Variants in C17orf75 observed in about 807,000 individuals in gnomAD.
C17orf75 encodes the protein chromosome 17 open reading frame 75.
A neutral mutation model predicts 49.6 loss-of-function variants in C17orf75; 32 were observed. The observed-to-expected ratio is 0.65, with a 90% confidence interval of 0.49 to 0.87. The LOEUF (loss-of-function observed/expected upper bound fraction) is 0.87, where lower values mean the gene tolerates loss of function less well. C17orf75 is among the 40% of genes least tolerant of loss of function. The pLI, the probability that C17orf75 is intolerant of heterozygous loss-of-function variation, is 0.00. For synonymous variants in C17orf75, 158 were observed against 159.5 expected, an observed-to-expected ratio of 0.99 and a Z score of 0.07; for missense variants, 428 against 473.9, an observed-to-expected ratio of 0.90 and a Z score of 0.90.
chr17:32,349,108 C>T (rs1281820797), intron 1 of C17orf75, among the ~76,000 whole-genome samples: 1 of 151,588 alleles, frequency 6.6e-6, no homozygotes, highest in African/African-American at 2.4e-5. Context: ...TCAAGTGATC[C>T]GCCTGCCTCG....
At chr17:32,349,128 C>T (rs1567807627) in intron 1 of C17orf75, among the ~76,000 whole-genome samples, 1 of 151,862 alleles carries the variant, frequency 6.6e-6, no homozygotes, top group Admixed American at 6.6e-5. Flanking sequence ...GGCCTTGGCC[C>T]ATAGTGTTGG....
rs1273775771 is a variant in C17orf75 at position 32,331,005 on chromosome 17, A to G, written c.*758T>C. On this transcript the variant is annotated 3_prime_UTR_variant, in exon 10 of 10. Coordinates refer to ENST00000577809, the MANE Select transcript of C17orf75 (RefSeq NM_022344.4). ...GCTGGGACTACAGGCGCCCGCCACCATGCCCGGCTAATTTTTTGTATTTTA... is the reference window on the plus strand; with the variant it reads ...GCTGGGACTACAGGCGCCCGCCACCGTGCCCGGCTAATTTTTTGTATTTTA... 6.6e-6 allele frequency: 1 copy of G among 152,304 alleles called. No individual in the cohort carries two copies. Among genetic ancestry groups the G allele is most frequent in the Non-Finnish European group, 1.5e-5 (1 of 68,186 alleles). The allele number at this position is 152,304 out of a possible 1,614,324, so 9.4% of individuals were successfully genotyped here.
intron 6 of C17orf75, 87 bp downstream of exon 6, chr17:32,335,236 G>A (rs2041313362): frequency 6.8e-7 from 1 of 1,463,338 alleles, no homozygotes; most frequent in Non-Finnish European, 9.4e-7. Context: ...GGAGGGATGG[G>A]AGTCATGTTC....
Position 32,338,352 on chromosome 17 carries a change from C to A in C17orf75, c.348-1G>T. On this transcript the variant is annotated splice_acceptor_variant, in intron 3 of 9. Transcript: ENST00000577809. LOFTEE classifies it high-confidence loss of function. ...ACAACCAACTCGGTAACCTGGAATTCTAGAAAAGAAAGAAAATGTAAAATG... is the reference window on the plus strand; with the variant it reads ...ACAACCAACTCGGTAACCTGGAATTATAGAAAAGAAAGAAAATGTAAAATG... 1 of 1,596,544 alleles carries A rather than the reference C, an allele frequency of 6.3e-7. No individual in the cohort carries two copies. The highest frequency in any genetic ancestry group is 8.5e-7 in the Non-Finnish European group (1 of 1,175,678).
upstream of C17orf75, chr17:32,343,832 T>C (rs919319550): frequency 5.9e-6 from 4 of 674,176 alleles, no homozygotes; most frequent in East Asian, 2.7e-5. Context: ...TCTTGAGATA[T>C]ACTTGATTTT....
chr17:32,338,134 T>C (rs530699369), intron 4 of C17orf75, 74 bp downstream of exon 4: 7 of 1,574,802 alleles, frequency 4.4e-6, no homozygotes, highest in African/African-American at 1.4e-5. Flanking sequence ...TTTTTGGAGG[T>C]TGGTAGTAAT....
chr17:32,341,854 G>T, intron 1 of C17orf75, 146 bp downstream of exon 1: 1 of 1,079,858 alleles, frequency 9.3e-7, no homozygotes, highest in Non-Finnish European at 1.1e-6. Flanking sequence ...CGCCCTTCAG[G>T]CCAGAGACCT....
At chr17:32,334,865 T>C in intron 6 of C17orf75, 26 bp from the exon 7 acceptor site, 4 of 1,575,258 alleles carry the variant, frequency 2.5e-6, no homozygotes, top group Non-Finnish European at 3.5e-6. Context: ...AAAGCCTGAT[T>C]GGTACATATA....
rs969499806 is a variant in C17orf75, at chr17:32,330,856, AT to A, written c.*906del. On this transcript the variant is annotated 3_prime_UTR_variant, in exon 10 of 10. Coordinates refer to ENST00000577809, the MANE Select transcript of C17orf75 (RefSeq NM_022344.4). ...CAGTAGCTTTCTCTCAGAGATAATT[AT>A]TTTTTTTTTTGAGACAGAGTCTCGC... 39 of 148,216 alleles carry A rather than the reference AT, an allele frequency of 2.6e-4. No homozygotes were observed. The highest frequency in any genetic ancestry group is 5.2e-4 in the African/African-American group (21 of 40,620). 9.2% of individuals were successfully genotyped at this position (148,216 alleles called of 1,614,324 possible). A position where few individuals can be genotyped will look rare whatever the true frequency, so the allele number is the denominator to read the frequency against.
Position 32,339,850 on chromosome 17 carries a change from A to T in C17orf75, c.310T>A (p.Phe104Ile). 1 of 1,614,062 alleles carries T rather than the reference A, an allele frequency of 6.2e-7. No individual in the cohort carries two copies. Among genetic ancestry groups the T allele is most frequent in the African/African-American group, 1.3e-5 (1 of 75,072 alleles). The change falls in exon 3 of 10, where the codon TTT (phenylalanine) becomes ATT (isoleucine). Residue 104 changes from phenylalanine (F) to isoleucine (I), a missense_variant. Phe to Ile is a conservative substitution (Grantham distance 21). Coordinates refer to ENST00000577809, the MANE Select transcript of C17orf75 (RefSeq NM_022344.4). Reference sequence around the variant, plus strand: ...GATGCAACATTACCCAGCCCTTCAAAGACTGCACCTCTTGAAAGACGCTTA... The same window carrying T: ...GATGCAACATTACCCAGCCCTTCAATGACTGCACCTCTTGAAAGACGCTTA... Reference protein sequence around the residue: ...IAKRLSRGAVFEGLGNVASVE... With the variant: ...IAKRLSRGAVIEGLGNVASVE...
At chr17:32,339,712 A>T (rs1054025041) in intron 3 of C17orf75, 101 bp downstream of exon 3, 4 of 1,476,740 alleles carry the variant, frequency 2.7e-6, no homozygotes, top group Admixed American at 2.2e-5. Context: ...ATAAAGACAA[A>T]TTCTGCAGGT....
chr17:32,345,599 A>C (rs1373251682), upstream of C17orf75, among the ~76,000 whole-genome samples: 5 of 147,890 alleles, frequency 3.4e-5, no homozygotes, highest in South Asian at 1.2e-3. Context: ...TGGAAGGCTG[A>C]GGCAGGCAGA....
intron 2 of C17orf75, among the ~76,000 whole-genome samples, chr17:32,340,544 C>A (rs553265191): frequency 9.0e-4 from 137 of 151,426 alleles, no homozygotes; most frequent in Non-Finnish European, 1.3e-3. Flanking sequence ...ACTCGGGAGG[C>A]TGAGGCAGGA....
chr17:32,338,993 A>G (rs566687556), intron 3 of C17orf75, among the ~76,000 whole-genome samples: 2 of 152,310 alleles, frequency 1.3e-5, no homozygotes, highest in African/African-American at 4.8e-5. Flanking sequence ...CGGGAGGCTG[A>G]GGCAGGAGAA....
Position 32,334,800 on chromosome 17 carries a change from C to T in C17orf75, c.709G>A (p.Glu237Lys), listed in dbSNP as rs754907079. ...CTGTTAATGTCTCTCTTTGTTTTTT[C>T]ATCTGATTCTTTAACTTCAACAGGA... Reference protein sequence around the residue: ...YTPVEVKESDEKTKRDINRFL... With the variant: ...YTPVEVKESDKKTKRDINRFL... Residue 237 changes from glutamate to lysine, a missense_variant, in exon 7 of 10, where the codon GAA becomes AAA. Glu to Lys is a moderately conservative substitution (Grantham distance 56, BLOSUM62 1). Coordinates refer to ENST00000577809, the MANE Select transcript of C17orf75 (RefSeq NM_022344.4). 2 of 1,608,322 alleles carry T rather than the reference C, an allele frequency of 1.2e-6. 1 individual carries two copies. Among genetic ancestry groups the T allele is most frequent in the Admixed American group, 3.4e-5 (2 of 59,034 alleles).
In C17orf75 at chr17:32,340,561, C is replaced by T. The variant is rs145605043; in HGVS notation, c.222-623G>A. Among the ~76,000 whole-genome samples, 699 of 151,394 alleles carry T rather than the reference C, an allele frequency of 4.6e-3. 5 individuals carry two copies. Among genetic ancestry groups the T allele is most frequent in the African/African-American group, 0.016 (644 of 41,192 alleles). ...TCGGGAGGCTGAGGCAGGAGAATGG[C>T]GTGAACCCGGGAGGCAGAGCTTGCA... On this transcript the variant is annotated intron_variant, in intron 2 of 9. Transcript: ENST00000577809.
chr17:32,345,903 A>T (rs2041421965), upstream of C17orf75, among the ~76,000 whole-genome samples: 1 of 152,100 alleles, frequency 6.6e-6, no homozygotes, highest in South Asian at 2.1e-4. Context: ...TGGTATTACA[A>T]ACCAAGATCT....
intron 4 of C17orf75, 90 bp from the exon 5 acceptor site, chr17:32,338,044 G>A: frequency 6.6e-7 from 1 of 1,516,372 alleles, no homozygotes; most frequent in Admixed American, 1.9e-5. Context: ...AATAATGTGA[G>A]CTGCAAATGC....
chr17:32,340,095 C>T (rs1294647627), intron 2 of C17orf75, 157 bp from the exon 3 acceptor site: 1 of 776,802 alleles, frequency 1.3e-6, no homozygotes, highest in African/African-American at 1.8e-5. Context: ...ATGTATGTCA[C>T]TAAGTATGAT....
Sources: gnomAD v4.1 joint callset for allele counts (sites outside exome capture counted in the v4.1 genomes callset) on GRCh38, gnomAD v4.1.1 for gene constraint, MANE v1.5 for transcripts, NCBI Gene and HGNC (gene_info 2026-07-23, HGNC 2026-07-21) for gene names.